Variants in RIPOR3 observed in about 807,000 individuals in gnomAD.
The protein encoded by RIPOR3 is RIPOR family member 3, also known as family with sequence similarity 65 member C.
A neutral mutation model predicts 114.3 loss-of-function variants in RIPOR3; 95 were observed. The observed-to-expected ratio is 0.83, with a 90% CI of 0.70 to 0.99. The LOEUF is 0.99. RIPOR3 is among the 50% of genes least tolerant of loss of function. The probability of loss-of-function intolerance (pLI) is 0.00; values close to 1 mark genes in which losing one functional copy is unlikely to be tolerated. For missense variants in RIPOR3, 1,252 were observed against 1,266.9 expected (o/e 0.99, Z 0.18); for synonymous variants, 575 against 543.8 (o/e 1.06, Z -0.80).
At chr20:50,650,015 A>G (rs1373957323) in intron 1 of RIPOR3, among the ~76,000 whole-genome samples, 1 of 152,122 alleles carries the variant, frequency 6.6e-6, no homozygotes, top group Non-Finnish European at 1.5e-5. Flanking sequence ...GAGAACCATA[A>G]GCTGGTGGGT....
intron 1 of RIPOR3, among the ~76,000 whole-genome samples, chr20:50,666,226 T>TCTTTTCTTTTCTTTTCTTCTC (rs1555873214): frequency 7.2e-6 from 1 of 139,742 alleles, no homozygotes. Context: ...TCTTTTCTTT[T>TCTTTTCTTTTCTTTTCTTCTC]TTGAGACGGA....
At chr20:50,634,170 T>C (rs112402596) in intron 1 of RIPOR3, among the ~76,000 whole-genome samples, 2 of 151,966 alleles carry the variant, frequency 1.3e-5, no homozygotes, top group East Asian at 1.9e-4. Flanking sequence ...ATTGTAGAGA[T>C]AGGGTTTCGC....
intron 1 of RIPOR3, among the ~76,000 whole-genome samples, chr20:50,679,370 C>T (rs1008548273): frequency 4.7e-5 from 7 of 150,444 alleles, no homozygotes; most frequent in African/African-American, 7.3e-5. Flanking sequence ...GGGCCGGGCA[C>T]GGTGGCTCAC....
intron 1 of RIPOR3, among the ~76,000 whole-genome samples, chr20:50,639,431 GAC>G (rs932283221): frequency 1.3e-5 from 2 of 152,104 alleles, no homozygotes; most frequent in Non-Finnish European, 2.9e-5. Flanking sequence ...CACTGGGCTG[GAC>G]ACACAGCCTC....
intron 17 of RIPOR3, among the ~76,000 whole-genome samples, chr20:50,593,527 C>T (rs536800459): frequency 9.2e-5 from 14 of 151,630 alleles, no homozygotes; most frequent in South Asian, 2.1e-4. Flanking sequence ...GCCAAGATTG[C>T]GCCACTGCAT....
chr20:50,632,612 G>A (rs1178850241), intron 1 of RIPOR3, among the ~76,000 whole-genome samples: 2 of 152,254 alleles, frequency 1.3e-5, no homozygotes, highest in Admixed American at 1.3e-4. Context: ...ATGCCCAGCA[G>A]TGCTGTGTAC....
chr20:50,691,229 G>T lies in RIPOR3; in HGVS notation c.-101C>A. On this transcript the variant is annotated 5_prime_UTR_variant, in exon 1 of 22. Coordinates refer to ENST00000327979, the MANE Select transcript of RIPOR3 (RefSeq NM_001290268.2). ...AAGCGTCTGCTCCCATCTGGCCCGG[G>T]ACTCCCGGACTCGAGCTAGGGCTCT... The T allele has an allele frequency of 7.8e-7, 1 of 1,279,212 alleles. No individual in the cohort carries two copies. The allele number at this position is 1,279,212 out of a possible 1,614,324, so 79.2% of individuals were successfully genotyped here. A position where few individuals can be genotyped will look rare whatever the true frequency, so the allele number is the denominator to read the frequency against.
chr20:50,633,793 G>A lies in RIPOR3; in HGVS notation c.4-2937C>T, dbSNP rs188028198. ...TCCTGCTCAGTGTGAGAGAGAGGAC[G>A]ACGAAGGAGGGAAACTAAGGCTCGG... On this transcript the variant is annotated intron_variant, in intron 1 of 21. Coordinates refer to ENST00000327979, the MANE Select transcript of RIPOR3 (RefSeq NM_001290268.2). 2.0e-4 allele frequency among the ~76,000 whole-genome samples: 30 copies of A among 152,248 alleles called. No individual in the cohort carries two copies. In the South Asian group the frequency reaches 5.0e-3, roughly 25 times the overall value.
chr20:50,632,383 G>A lies in RIPOR3; in HGVS notation c.4-1527C>T, dbSNP rs8123372. Among the ~76,000 whole-genome samples, 942 of 152,322 alleles carry A rather than the reference G, an allele frequency of 6.2e-3. 6 individuals carry two copies. The highest frequency in any genetic ancestry group is 0.011 in the Non-Finnish European group (753 of 68,042). ...AGAGCCCACAGTGTGCAAGAGACATGTCGGAAGAGCTGGCTGTCTCTGTGC... is the reference window on the plus strand; with the variant it reads ...AGAGCCCACAGTGTGCAAGAGACATATCGGAAGAGCTGGCTGTCTCTGTGC... On this transcript the variant is annotated intron_variant, in intron 1 of 21. Transcript: ENST00000327979.
chr20:50,591,486 T>C (rs2083106194), intron 19 of RIPOR3, among the ~76,000 whole-genome samples: 1 of 152,134 alleles, frequency 6.6e-6, no homozygotes, highest in South Asian at 2.1e-4. Context: ...CTGTCTACTT[T>C]TGCAAGTTCA....
intron 2 of RIPOR3, among the ~76,000 whole-genome samples, chr20:50,623,418 T>C (rs1464933140): frequency 5.9e-5 from 9 of 152,004 alleles, no homozygotes; most frequent in Non-Finnish European, 1.3e-4. Flanking sequence ...CCCCTGGGTG[T>C]TCCCAGCTGG....
chr20:50,678,606 C>T (rs552127492), intron 1 of RIPOR3, among the ~76,000 whole-genome samples: 4 of 152,146 alleles, frequency 2.6e-5, no homozygotes, highest in Admixed American at 6.5e-5. Context: ...CACAAAAGAT[C>T]GGAACTGATC....
Position 50,679,989 on chromosome 20 carries a change from A to C in RIPOR3, c.3+11137T>G, listed in dbSNP as rs148878356. Reference sequence around the variant, plus strand: ...ACAGACAAACAAACAGTAGACCTGGAATTTGGTGCAAGCAGCAGGGCCAGA... The same window carrying C: ...ACAGACAAACAAACAGTAGACCTGGCATTTGGTGCAAGCAGCAGGGCCAGA... On this transcript the variant is annotated intron_variant, in intron 1 of 21. Coordinates refer to ENST00000327979, the MANE Select transcript of RIPOR3 (RefSeq NM_001290268.2). Among the ~76,000 whole-genome samples the C allele has an allele frequency of 5.5e-3, 838 of 152,218 alleles. 10 individuals are homozygous for C. Among genetic ancestry groups the C allele is most frequent in the African/African-American group, 0.02 (810 of 41,538 alleles).
rs116291748 is a variant in RIPOR3, at chr20:50,592,438, C to T, written c.2483G>A (p.Trp828Ter). The change falls in exon 19 of 22, where the codon TGG becomes TAG. Residue 828 changes from tryptophan (W) to a stop codon, truncating the protein, a stop_gained. Coordinates refer to ENST00000327979, the MANE Select transcript of RIPOR3 (RefSeq NM_001290268.2). LOFTEE classifies it high-confidence loss of function. ...AGTGCCGTCCAGCTGGAGCAGCGCC[C>T]AGGCTCTTAAGGTCTGGGGCAGAGG... The part of the protein sequence containing the change: ...LQPLPQTLRA[W>*]ALLQLDGTPR... 4 of 1,612,696 alleles carry T rather than the reference C, an allele frequency of 2.5e-6. No homozygotes were observed. In the African/African-American group the frequency reaches 5.3e-5, roughly 21 times the overall value.
At chr20:50,675,032 C>T (rs768662039) in intron 1 of RIPOR3, among the ~76,000 whole-genome samples, 4 of 152,102 alleles carry the variant, frequency 2.6e-5, no homozygotes, top group African/African-American at 4.8e-5. Flanking sequence ...GAGCTATGAT[C>T]AGGCCACTGC....
chr20:50,657,274 C>T (rs2085844729), intron 1 of RIPOR3, among the ~76,000 whole-genome samples: 1 of 152,206 alleles, frequency 6.6e-6, no homozygotes, highest in African/African-American at 2.4e-5. Flanking sequence ...CACCTATAAT[C>T]CTAGCACTTT....
chr20:50,604,718 A>G lies in RIPOR3; in HGVS notation c.1013T>C (p.Met338Thr), dbSNP rs116541214. ...GTACAAGGAGCCCTTCCTGCTGCCC[A>G]TAGAAAACTTGCCCGTGGGGCTGGG... is the stretch of plus-strand genomic sequence containing the variant. ...VSPSPTGKFS[M>T]GSRKGSLYNW... The change falls in exon 12 of 22, where the codon ATG becomes ACG. Residue 338 changes from methionine to threonine, a missense_variant. Coordinates refer to ENST00000327979, the MANE Select transcript of RIPOR3 (RefSeq NM_001290268.2). 1.1e-3 allele frequency: 1,825 copies of G among 1,609,596 alleles called. 19 individuals are homozygous for G. In the African/African-American group the frequency reaches 0.017, roughly 15 times the overall value.
chr20:50,684,640 G>C (rs564571394), intron 1 of RIPOR3, among the ~76,000 whole-genome samples: 1 of 152,326 alleles, frequency 6.6e-6, no homozygotes, highest in African/African-American at 2.4e-5. Context: ...GAGAAGCAGA[G>C]ACACTGGTGG....
chr20:50,651,231 C>T (rs1457236178), intron 1 of RIPOR3, among the ~76,000 whole-genome samples: 1 of 152,156 alleles, frequency 6.6e-6, no homozygotes, highest in Non-Finnish European at 1.5e-5. Context: ...CCCCCAGTGA[C>T]AGCTAGGAAG....
Sources: allele counts gnomAD v4.1 joint callset (sites outside exome capture counted in the v4.1 genomes callset), GRCh38; gene constraint gnomAD v4.1.1; transcripts MANE v1.5; gene names NCBI Gene and HGNC (gene_info 2026-07-23, HGNC 2026-07-21).